PRELID2: variants seen among roughly 807,000 people sequenced by gnomAD.
PRELID2 encodes PRELI domain-containing protein 2.
A neutral mutation model predicts 28.4 loss-of-function variants in PRELID2; 25 were observed. The observed-to-expected ratio is 0.88, with a 90% CI of 0.64 to 1.23. PRELID2 has a LOEUF of 1.23. Ranked by LOEUF, PRELID2 falls within the 50% of genes most tolerant of loss-of-function variation. PRELID2 has a pLI of 0.00. For missense variants in PRELID2, 201 were observed against 214.4 expected, an observed-to-expected ratio of 0.94 and a Z score of 0.39; for synonymous variants, 76 against 71.6, an observed-to-expected ratio of 1.06 and a Z score of -0.31.
At chr5:145,715,383 G>A (rs1018217472) in intron 1 of PRELID2, among the ~76,000 whole-genome samples, 1 of 152,008 alleles carries the variant, frequency 6.6e-6, no homozygotes, top group Non-Finnish European at 1.5e-5. Context: ...CCTAATCTGA[G>A]CTGCCATCGC....
the PRELID2 span, among the ~76,000 whole-genome samples, chr5:145,395,287 GA>G: frequency 2.6e-5 from 4 of 152,078 alleles, no homozygotes; most frequent in Non-Finnish European, 5.9e-5. Context: ...AGGCATCCAT[GA>G]AAACGACAGG....
the PRELID2 span, among the ~76,000 whole-genome samples, chr5:145,236,675 T>C: frequency 6.6e-6 from 1 of 152,110 alleles, no homozygotes; most frequent in African/African-American, 2.4e-5. Flanking sequence ...ACTTCCTTTT[T>C]TCTCTTCAGA....
At position 145,767,412 on chromosome 5, in the gene PRELID2, G is replaced by A. The variant is rs186344355; in HGVS notation, c.475-2412C>T. ...ATTCACCACCCTTCAATTCGTTCAC[G>A]CCACCTGATTCTTCCTGGATGCAGG... On this transcript the variant is annotated intron_variant, in intron 5 of 6. Coordinates refer to ENST00000683046, the MANE Select transcript of PRELID2 (RefSeq NM_205846.3). 2.1e-3 allele frequency among the ~76,000 whole-genome samples: 321 copies of A among 152,164 alleles called. 7 individuals carry two copies. The South Asian group carries it at 0.037, about 18-fold the overall frequency.
the PRELID2 span, chr5:145,451,036 C>T: frequency 6.6e-6 from 1 of 152,128 alleles, no homozygotes; most frequent in Non-Finnish European, 1.5e-5. Context: ...CTGGGAATGA[C>T]CATTTTCCTC....
intron 1 of PRELID2, among the ~76,000 whole-genome samples, chr5:145,743,265 C>A (rs1229286618): frequency 6.6e-6 from 1 of 151,530 alleles, no homozygotes; most frequent in East Asian, 1.9e-4. Flanking sequence ...AAAAAATTAC[C>A]CAGGCATGAT....
intron 1 of PRELID2, among the ~76,000 whole-genome samples, chr5:145,523,055 A>G (rs1045138008): frequency 3.9e-5 from 6 of 152,176 alleles, no homozygotes; most frequent in African/African-American, 1.2e-4. Flanking sequence ...TAAGTCAGCC[A>G]TCTTAATATT....
chr5:145,415,596 C>A, the PRELID2 span, among the ~76,000 whole-genome samples: 1 of 150,680 alleles, frequency 6.6e-6, no homozygotes, highest in Non-Finnish European at 1.5e-5. Flanking sequence ...CATGTCCCTA[C>A]AAAGGACATG....
At chr5:145,541,997 T>C (rs531782058) in intron 1 of PRELID2, among the ~76,000 whole-genome samples, 1 of 152,082 alleles carries the variant, frequency 6.6e-6, no homozygotes, top group Non-Finnish European at 1.5e-5. Flanking sequence ...AAAAAGAATA[T>C]ATTTTGGGGT....
At chr5:145,669,939 C>T (rs757121642) in intron 1 of PRELID2, among the ~76,000 whole-genome samples, 1 of 152,124 alleles carries the variant, frequency 6.6e-6, no homozygotes, top group Non-Finnish European at 1.5e-5. Flanking sequence ...CGTTCACCTG[C>T]AGCGAACTTA....
chr5:145,389,194 G>A, the PRELID2 span, among the ~76,000 whole-genome samples: 1 of 152,150 alleles, frequency 6.6e-6, no homozygotes, highest in Non-Finnish European at 1.5e-5. Context: ...CTCCCCTACC[G>A]CTTGTAGCAA....
At chr5:145,266,205 T>C in the PRELID2 span, among the ~76,000 whole-genome samples, 1 of 152,112 alleles carries the variant, frequency 6.6e-6, no homozygotes, top group Admixed American at 6.6e-5. Flanking sequence ...GGGAAGCTAC[T>C]GCTACTTAGC....
chr5:145,611,223 G>T (rs992906670), intron 1 of PRELID2, among the ~76,000 whole-genome samples: 1 of 151,878 alleles, frequency 6.6e-6, no homozygotes, highest in East Asian at 1.9e-4. Context: ...GAGTGCAGTG[G>T]CACAATCTTG....
Position 145,758,059 on chromosome 5 carries a change from C to T in PRELID2, c.*2477G>A, listed in dbSNP as rs1757312042. On this transcript the variant is annotated 3_prime_UTR_variant, in exon 7 of 7. Transcript: ENST00000683046. Reference sequence around the variant, plus strand: ...AGGATGTTTAGGCCTGTCCTTAACACTCTGGAAGCAGAGGCTAAAAACTAC... The same window carrying T: ...AGGATGTTTAGGCCTGTCCTTAACATTCTGGAAGCAGAGGCTAAAAACTAC... Among the ~76,000 whole-genome samples, 1 of 152,134 alleles carries T rather than the reference C, an allele frequency of 6.6e-6. No individual in the cohort carries two copies. Among genetic ancestry groups the T allele is most frequent in the Admixed American group, 6.5e-5 (1 of 15,276 alleles).
chr5:145,799,542 A>C (rs557838669), intron 4 of PRELID2, among the ~76,000 whole-genome samples: 15 of 152,188 alleles, frequency 9.9e-5, no homozygotes, highest in African/African-American at 3.6e-4. Flanking sequence ...ATTGGAGGTG[A>C]AGCATTCCAT....
intron 1 of PRELID2, among the ~76,000 whole-genome samples, chr5:145,832,589 A>G (rs1755670113): frequency 6.6e-6 from 1 of 152,190 alleles, no homozygotes; most frequent in Non-Finnish European, 1.5e-5. Flanking sequence ...TTTCGGATCC[A>G]TGTGTTAAAA....
chr5:145,362,877 C>A, the PRELID2 span, among the ~76,000 whole-genome samples: 1 of 151,936 alleles, frequency 6.6e-6, no homozygotes, highest in Non-Finnish European at 1.5e-5. Flanking sequence ...GAAATCAAAA[C>A]CCATATATAT....
downstream of PRELID2, among the ~76,000 whole-genome samples, chr5:145,753,373 A>T (rs1757176767): frequency 6.6e-6 from 1 of 152,208 alleles, no homozygotes; most frequent in Non-Finnish European, 1.5e-5. Flanking sequence ...GTTCTATTCC[A>T]ACAAATGCAA....
chr5:145,383,955 T>C, the PRELID2 span, among the ~76,000 whole-genome samples: 1 of 152,116 alleles, frequency 6.6e-6, no homozygotes, highest in Non-Finnish European at 1.5e-5. Context: ...GGATACATAA[T>C]ACATTTTTAC....
At chr5:145,581,878 T>C (rs1314823215) in intron 1 of PRELID2, among the ~76,000 whole-genome samples, 2 of 152,126 alleles carry the variant, frequency 1.3e-5, no homozygotes, top group Non-Finnish European at 2.9e-5. Context: ...ATGCTGTTTC[T>C]CAGCAAGGCA....
Sources: allele counts gnomAD v4.1 joint callset (sites outside exome capture counted in the v4.1 genomes callset), GRCh38; gene constraint gnomAD v4.1.1; transcripts MANE v1.5; gene names NCBI Gene and HGNC (gene_info 2026-07-23, HGNC 2026-07-21).